Variants in PHLPP1 observed in about 807,000 individuals in gnomAD.
PHLPP1 encodes PH domain leucine-rich repeat-containing protein phosphatase 1.
Under a neutral mutation model 117.2 loss-of-function variants are expected in PHLPP1, and 42 were observed. The ratio of observed to expected loss-of-function variants is 0.36; its 90% confidence interval spans 0.28 to 0.46. The LOEUF is 0.46. PHLPP1 is among the 20% of genes least tolerant of loss of function. The pLI is 1.00. For missense variants in PHLPP1, 2,084 were observed against 2,241.9 expected, an observed-to-expected ratio of 0.93 and a Z score of 1.42; for synonymous variants, 1,042 against 970.7, an observed-to-expected ratio of 1.07 and a Z score of -1.37.
intron 1 of PHLPP1, among the ~76,000 whole-genome samples, chr18:62,827,400 A>C (rs903508566): frequency 1.3e-5 from 2 of 152,334 alleles, no homozygotes; most frequent in East Asian, 3.9e-4. Context: ...CTCTGAGTTG[A>C]GAATTTTGAG....
intron 2 of PHLPP1, among the ~76,000 whole-genome samples, chr18:62,836,573 G>T (rs1023210185): frequency 6.6e-6 from 1 of 151,832 alleles, no homozygotes; most frequent in Non-Finnish European, 1.5e-5. Flanking sequence ...TTCTGTTACT[G>T]TTCTCATGTG....
chr18:62,902,373 C>A (rs1411657394), intron 6 of PHLPP1, among the ~76,000 whole-genome samples: 1 of 152,174 alleles, frequency 6.6e-6, no homozygotes, highest in African/African-American at 2.4e-5. Flanking sequence ...TGGTCCTGAG[C>A]AGTTGGGAGT....
intron 1 of PHLPP1, among the ~76,000 whole-genome samples, chr18:62,828,969 T>C (rs540660718): frequency 1.3e-5 from 2 of 152,344 alleles, no homozygotes; most frequent in East Asian, 3.8e-4. Context: ...TGACTGTCAC[T>C]ATGTTCATGT....
intron 8 of PHLPP1, among the ~76,000 whole-genome samples, chr18:62,914,506 C>G (rs1917046996): frequency 6.6e-6 from 1 of 152,166 alleles, no homozygotes; most frequent in Non-Finnish European, 1.5e-5. Flanking sequence ...GAGATCATAG[C>G]TCACTTGTAA....
chr18:62,976,170 C>A (rs1253109546), intron 16 of PHLPP1, among the ~76,000 whole-genome samples: 1 of 152,208 alleles, frequency 6.6e-6, no homozygotes, highest in East Asian at 1.9e-4. Context: ...TGCTTCCCCA[C>A]AAGACATTTG....
At chr18:62,860,668 C>T in intron 4 of PHLPP1, 67 bp downstream of exon 4, 1 of 1,273,796 alleles carries the variant, frequency 7.9e-7, no homozygotes, top group East Asian at 2.5e-5. Flanking sequence ...TGCTTGTTAT[C>T]TCTTGAATAT....
At chr18:62,752,450 C>A (rs1007756325) in intron 1 of PHLPP1, among the ~76,000 whole-genome samples, 7 of 152,200 alleles carry the variant, frequency 4.6e-5, no homozygotes, top group African/African-American at 1.4e-4. Context: ...GAGTATGCGA[C>A]CTTTTACAAC....
In PHLPP1 at chr18:62,716,973, C is replaced by T. The variant is rs1384490750; in HGVS notation, c.1290C>T (p.Val430=). ...PRAIDSPGGA[V]REGSCEEKAA... ...CCATTGACAGCCCGGGCGGGGCCGTCCGCGAGGGGTCGTGCGAGGAGAAGG... is the reference window on the plus strand; with the variant it reads ...CCATTGACAGCCCGGGCGGGGCCGTTCGCGAGGGGTCGTGCGAGGAGAAGG... Residue 430 remains valine, a synonymous_variant, in exon 1 of 17, where the codon GTC becomes GTT. Transcript: ENST00000262719. The surrounding 1 kb of genome is among the most constrained non-coding windows in gnomAD (Gnocchi z 5.7). The T allele has an allele frequency of 6.5e-7, 1 of 1,540,390 alleles. No individual in the cohort carries two copies. The highest frequency in any genetic ancestry group is 8.7e-7 in the Non-Finnish European group (1 of 1,146,088).
chr18:62,876,171 G>A (rs762770102), intron 4 of PHLPP1, among the ~76,000 whole-genome samples: 3 of 152,182 alleles, frequency 2.0e-5, no homozygotes, highest in Non-Finnish European at 2.9e-5. Context: ...AGGATTTGAA[G>A]TTGGAAAAGG....
chr18:62,879,525 C>A (rs1483434544), intron 4 of PHLPP1, among the ~76,000 whole-genome samples: 1 of 152,072 alleles, frequency 6.6e-6, no homozygotes, highest in Non-Finnish European at 1.5e-5. Context: ...GATTCTCCCA[C>A]CTCCGCCTCC....
intron 3 of PHLPP1, among the ~76,000 whole-genome samples, chr18:62,846,576 C>G (rs1039898293): frequency 9.2e-5 from 14 of 151,776 alleles, no homozygotes; most frequent in African/African-American, 3.4e-4. Context: ...TAAATGAATG[C>G]TGGCCAGTAA....
intron 14 of PHLPP1, among the ~76,000 whole-genome samples, chr18:62,966,886 A>G (rs577875652): frequency 2.0e-5 from 3 of 151,936 alleles, no homozygotes; most frequent in Non-Finnish European, 4.4e-5. Flanking sequence ...CTTCTCCCCA[A>G]CCCCTGTCCT....
chr18:62,954,086 TC>T (rs1462672580), intron 12 of PHLPP1, among the ~76,000 whole-genome samples: 1 of 152,256 alleles, frequency 6.6e-6, no homozygotes, highest in African/African-American at 2.4e-5. Context: ...AATTTCTTTT[TC>T]TTTAAGATAT....
intron 1 of PHLPP1, among the ~76,000 whole-genome samples, chr18:62,727,274 C>T (rs1309031524): frequency 6.7e-6 from 1 of 149,246 alleles, no homozygotes; most frequent in African/African-American, 2.5e-5. Flanking sequence ...AAATTGTTCG[C>T]ACATTTTAAT....
At chr18:62,944,034 A>G (rs1001133684) in intron 11 of PHLPP1, among the ~76,000 whole-genome samples, 5 of 152,162 alleles carry the variant, frequency 3.3e-5, no homozygotes, top group African/African-American at 1.2e-4. Context: ...GATAATCTTT[A>G]TATTTGAAAG....
chr18:62,738,973 A>G (rs147636548), intron 1 of PHLPP1, among the ~76,000 whole-genome samples: 1 of 152,370 alleles, frequency 6.6e-6, no homozygotes, highest in African/African-American at 2.4e-5. Context: ...CCATAATCCC[A>G]TTAACCAACA....
At chr18:62,879,917 C>A (rs74816345) in intron 4 of PHLPP1, among the ~76,000 whole-genome samples, 1 of 152,078 alleles carries the variant, frequency 6.6e-6, no homozygotes, top group Admixed American at 6.5e-5. Flanking sequence ...TGAACTCCTA[C>A]TCATGTTCCT....
At chr18:62,790,743 A>T (rs570872143) in intron 1 of PHLPP1, among the ~76,000 whole-genome samples, 2 of 152,296 alleles carry the variant, frequency 1.3e-5, no homozygotes, top group African/African-American at 4.8e-5. Context: ...GGATAGAAAG[A>T]TTAGTTATGT....
intron 3 of PHLPP1, among the ~76,000 whole-genome samples, chr18:62,853,472 C>T (rs1209796859): frequency 1.3e-5 from 2 of 151,834 alleles, no homozygotes; most frequent in Admixed American, 6.6e-5. Flanking sequence ...CGGGTTCAAG[C>T]GATTCTCCTA....
Sources: gnomAD v4.1 joint callset for allele counts (sites outside exome capture counted in the v4.1 genomes callset) on GRCh38, gnomAD v4.1.1 for gene constraint, Gnocchi (gnomAD v3.1) non-coding constraint, MANE v1.5 for transcripts, NCBI Gene and HGNC (gene_info 2026-07-23, HGNC 2026-07-21) for gene names.